Variants in MGMT observed in about 807,000 individuals in gnomAD.
MGMT encodes O-6-methylguanine-DNA methyltransferase, also known as methylated-DNA--protein-cysteine methyltransferase.
Under a neutral mutation model 15.9 loss-of-function variants are expected in MGMT, and 14 were observed. That is an observed-to-expected ratio of 0.88 (90% confidence interval 0.58 to 1.37). The LOEUF (loss-of-function observed/expected upper bound fraction) is 1.37, where lower values mean the gene tolerates loss of function less well. Ranked by LOEUF, MGMT falls within the 40% of genes most tolerant of loss-of-function variation. The pLI is 0.00. For synonymous variants in MGMT, 130 were observed against 118.2 expected (o/e 1.10, Z -0.65); for missense variants, 282 against 268.1 (o/e 1.05, Z -0.36).
At chr10:129,627,131 T>G (rs1419747499) in intron 2 of MGMT, among the ~76,000 whole-genome samples, 1 of 152,174 alleles carries the variant, frequency 6.6e-6, no homozygotes, top group Non-Finnish European at 1.5e-5. Context: ...TTAATGTAAT[T>G]AGAAGCTCAA....
chr10:129,657,005 T>A (rs1486110411), intron 2 of MGMT, among the ~76,000 whole-genome samples: 5 of 152,112 alleles, frequency 3.3e-5, no homozygotes, highest in African/African-American at 1.2e-4. Flanking sequence ...TTCTAAGACA[T>A]CTAAAGCTGC....
At position 129,768,323 on chromosome 10, in the gene MGMT, A is replaced by T. The variant is rs1429024201; in HGVS notation, c.*1326A>T. Among the ~76,000 whole-genome samples the T allele has an allele frequency of 6.6e-6, 1 of 152,256 alleles. No homozygotes were observed. The highest frequency in any genetic ancestry group is 2.4e-5 in the African/African-American group (1 of 41,476). ...TCGGTTTTTCCTATGACATGAAGTG[A>T]TGTGACTCTTACCCCGTTGTCTTAA... On this transcript the variant is annotated 3_prime_UTR_variant, in exon 5 of 5. Transcript: ENST00000651593.
At chr10:129,756,231 T>TC (rs1848804558) in intron 3 of MGMT, among the ~76,000 whole-genome samples, 1 of 152,054 alleles carries the variant, frequency 6.6e-6, no homozygotes. Context: ...ATGCAGAGAC[T>TC]CCAAGATGCA....
intron 2 of MGMT, among the ~76,000 whole-genome samples, chr10:129,692,374 G>A (rs1847979731): frequency 6.6e-6 from 1 of 152,176 alleles, no homozygotes; most frequent in African/African-American, 2.4e-5. Context: ...CTTCTATGCA[G>A]GGTCAGGTGG....
In MGMT at chr10:129,608,730, T is replaced by G. The variant is rs142925329; in HGVS notation, c.125+72353T>G. ...TTCTAAGTACAATAATTGTCTCAGCTGCTTTTGGTGATTTCTTTGGGAGGG... is the reference window on the plus strand; with the variant it reads ...TTCTAAGTACAATAATTGTCTCAGCGGCTTTTGGTGATTTCTTTGGGAGGG... On this transcript the variant is annotated intron_variant, in intron 2 of 4. Coordinates refer to ENST00000651593, the MANE Select transcript of MGMT (RefSeq NM_002412.5). Among the ~76,000 whole-genome samples, 298 of 152,346 alleles carry G rather than the reference T, an allele frequency of 2.0e-3. 1 individual carries two copies. The highest frequency in any genetic ancestry group is 2.9e-3 in the Non-Finnish European group (194 of 68,020).
intron 2 of MGMT, among the ~76,000 whole-genome samples, chr10:129,685,889 A>G (rs1847899404): frequency 6.6e-6 from 1 of 152,206 alleles, no homozygotes; most frequent in Admixed American, 6.5e-5. Flanking sequence ...TTCTATTTAT[A>G]TTCTTATTTA....
intron 3 of MGMT, among the ~76,000 whole-genome samples, chr10:129,732,855 A>G (rs1473942699): frequency 6.9e-5 from 10 of 144,282 alleles, no homozygotes; most frequent in South Asian, 2.4e-4. Flanking sequence ...ATGATTTCCA[A>G]TTTCATCCAT....
At chr10:129,538,125 A>G (rs1360877714) in intron 2 of MGMT, among the ~76,000 whole-genome samples, 1 of 152,244 alleles carries the variant, frequency 6.6e-6, no homozygotes, top group African/African-American at 2.4e-5. Context: ...TGAATAGTCA[A>G]TTAAGTTTAA....
chr10:129,737,165 G>T (rs1157047684), intron 3 of MGMT, among the ~76,000 whole-genome samples: 2 of 152,122 alleles, frequency 1.3e-5, no homozygotes, highest in East Asian at 3.9e-4. Context: ...TTCCAACTTG[G>T]TTCCATTCTC....
Position 129,532,858 on chromosome 10 carries a change from C to G in MGMT, c.-12-3383C>G, listed in dbSNP as rs1243953269. ...AGAGGAGTGCGCAGCTAGTGTCTGACCAGCCCCCACATGGGGCACTCCCCA... is the reference window on the plus strand; with the variant it reads ...AGAGGAGTGCGCAGCTAGTGTCTGAGCAGCCCCCACATGGGGCACTCCCCA... On this transcript the variant is annotated intron_variant, in intron 1 of 4. Transcript: ENST00000651593. This position sits in a 1 kb window ranked among gnomAD's most constrained non-coding sequence, Gnocchi z 5.3. Among the ~76,000 whole-genome samples the G allele has an allele frequency of 6.6e-6, 1 of 152,208 alleles. No individual in the cohort carries two copies. Among genetic ancestry groups the G allele is most frequent in the Non-Finnish European group, 1.5e-5 (1 of 68,038 alleles).
chr10:129,696,351 G>A (rs953057239), intron 2 of MGMT, among the ~76,000 whole-genome samples: 2 of 152,168 alleles, frequency 1.3e-5, no homozygotes, highest in African/African-American at 4.8e-5. Flanking sequence ...AGACACAGAG[G>A]AGAACCCACC....
At chr10:129,605,578 TA>T (rs145308518) in intron 2 of MGMT, among the ~76,000 whole-genome samples, 3 of 151,232 alleles carry the variant, frequency 2.0e-5, no homozygotes, top group Non-Finnish European at 3.0e-5. Flanking sequence ...GGATCATATT[TA>T]AAAAAAAACA....
At chr10:129,508,231 A>T (rs1198867315) in intron 1 of MGMT, among the ~76,000 whole-genome samples, 1 of 152,014 alleles carries the variant, frequency 6.6e-6, no homozygotes, top group African/African-American at 2.4e-5. Flanking sequence ...TGGCCACACC[A>T]CTCCAGCCCG....
intron 2 of MGMT, among the ~76,000 whole-genome samples, chr10:129,621,903 G>T (rs1847095089): frequency 6.6e-6 from 1 of 152,168 alleles, no homozygotes; most frequent in African/African-American, 2.4e-5. Context: ...CTTAGAATTT[G>T]TTAACTATTA....
chr10:129,740,229 C>T (rs1047765174), intron 3 of MGMT, among the ~76,000 whole-genome samples: 6 of 152,130 alleles, frequency 3.9e-5, no homozygotes, highest in African/African-American at 1.4e-4. Flanking sequence ...CCCAGGATGC[C>T]ATCAGCCCCC....
At chr10:129,696,930 G>A (rs1485527719) in intron 2 of MGMT, among the ~76,000 whole-genome samples, 1 of 152,248 alleles carries the variant, frequency 6.6e-6, no homozygotes. Context: ...GACAGTAGGG[G>A]ACACGGCAGG....
chr10:129,527,603 C>T lies in MGMT; in HGVS notation c.-12-8638C>T, dbSNP rs1485573409. Among the ~76,000 whole-genome samples the T allele has an allele frequency of 3.9e-5, 6 of 152,222 alleles. No individual in the cohort carries two copies. The Middle Eastern group carries it at 0.017, about 431-fold the overall frequency. ...CGGCTCTTTTCTTTTCTCCTGTTCA[C>T]AGCACGCTTATAGCCAGAGCAGACT... On this transcript the variant is annotated intron_variant, in intron 1 of 4. Coordinates refer to ENST00000651593, the MANE Select transcript of MGMT (RefSeq NM_002412.5).
chr10:129,472,912 G>C (rs1435490224), intron 1 of MGMT, among the ~76,000 whole-genome samples: 1 of 152,178 alleles, frequency 6.6e-6, no homozygotes, highest in African/African-American at 2.4e-5. Context: ...TCTGTAAAGA[G>C]GCTACTGGCT....
At chr10:129,568,991 T>C (rs1010064198) in intron 2 of MGMT, among the ~76,000 whole-genome samples, 1 of 152,220 alleles carries the variant, frequency 6.6e-6, no homozygotes, top group African/African-American at 2.4e-5. Flanking sequence ...GCTTCTGTAT[T>C]CCTTTATGAC....
Sources: gnomAD v4.1 joint callset for allele counts (sites outside exome capture counted in the v4.1 genomes callset) on GRCh38, gnomAD v4.1.1 for gene constraint, Gnocchi (gnomAD v3.1) non-coding constraint, MANE v1.5 for transcripts, NCBI Gene and HGNC (gene_info 2026-07-23, HGNC 2026-07-21) for gene names.